PIGN: variants seen among roughly 807,000 people sequenced by gnomAD.
PIGN encodes phosphatidylinositol glycan anchor biosynthesis class N, also known as GPI ethanolamine phosphate transferase 1.
In PIGN, 117 loss-of-function variants were observed where a neutral mutation model predicts 125.4. That is an observed-to-expected ratio of 0.93 (90% CI 0.80 to 1.09). The LOEUF (loss-of-function observed/expected upper bound fraction) is 1.09, where lower values mean the gene tolerates loss of function less well. Among genes scored for constraint, PIGN ranks in the 50% least tolerant of loss-of-function variants. PIGN has a pLI of 0.00. For synonymous variants in PIGN, 392 were observed against 377.8 expected, an observed-to-expected ratio of 1.04 and a Z score of -0.44; for missense variants, 1,075 against 1,094.9, an observed-to-expected ratio of 0.98 and a Z score of 0.26.
intron 12 of PIGN, 107 bp from the exon 13 acceptor site, chr18:62,139,182 A>G (rs1402469989): frequency 5.6e-6 from 3 of 533,386 alleles, no homozygotes; most frequent in Non-Finnish European, 1.0e-5. Flanking sequence ...ATGGACAAAT[A>G]AATAATTGAA....
In PIGN at chr18:62,161,328, A is replaced by G. The variant is rs973223435; in HGVS notation, c.26T>C (p.Leu9Ser). MLLFFTLG[L>S]LIHFVFFASI... is the part of the protein sequence containing the mutation. ...GGCGAAGAACACAAAATGTATAAGCAATCCCAAAGTAAAGAACAGCAGCAT... is the reference window on the plus strand; with the variant it reads ...GGCGAAGAACACAAAATGTATAAGCGATCCCAAAGTAAAGAACAGCAGCAT... The change falls in exon 4 of 31, where the codon TTG becomes TCG. Residue 9 changes from leucine (L) to serine (S), a missense_variant. By Grantham distance (145) the Leu-to-Ser change is moderately radical. Around this residue, in one of 3 missense-constraint regions of PIGN, gnomAD observed 152 missense variants for 162.9 expected, o/e 0.93. Transcript: ENST00000640252. 2.5e-6 allele frequency: 4 copies of G among 1,612,808 alleles called. No individual in the cohort carries two copies. The highest frequency in any genetic ancestry group is 3.4e-6 in the Non-Finnish European group (4 of 1,179,270).
At chr18:62,113,365 C>A in intron 15 of PIGN, 49 bp from the exon 16 acceptor site, 5 of 1,423,936 alleles carry the variant, frequency 3.5e-6, no homozygotes, top group Non-Finnish European at 4.8e-6. Flanking sequence ...AATAAGAAAA[C>A]CTACATTTTA....
chr18:62,091,583 CA>C (rs1368892777), intron 23 of PIGN, among the ~76,000 whole-genome samples: 1 of 152,092 alleles, frequency 6.6e-6, no homozygotes, highest in Non-Finnish European at 1.5e-5. Context: ...AAGCAGGAAA[CA>C]GAAAACAACC....
At chr18:62,116,870 G>A (rs990602692) in intron 14 of PIGN, among the ~76,000 whole-genome samples, 1 of 152,062 alleles carries the variant, frequency 6.6e-6, no homozygotes, top group Admixed American at 6.6e-5. Context: ...AGGAAAAAAA[G>A]CTTGTCTGAA....
At position 62,148,199 on chromosome 18, in the gene PIGN, A is replaced by G. The variant is rs897854796; in HGVS notation, c.674+15T>C. On this transcript the variant is annotated intron_variant, in intron 8 of 30. Transcript: ENST00000640252. ...GTTGCCCTAAAAAATACAATTAAAC[A>G]CAATATTAAATTACCTCGAGGATGG... is the stretch of plus-strand genomic sequence containing the variant. The G allele has an allele frequency of 2.0e-5, 30 of 1,520,896 alleles. No homozygotes were observed. The highest frequency in any genetic ancestry group is 7.5e-5 in the East Asian group (3 of 40,178). The allele number at this position is 1,520,896 out of a possible 1,614,324, so 94.2% of individuals were successfully genotyped here. A position where few individuals can be genotyped will look rare whatever the true frequency, so the allele number is the denominator to read the frequency against.
chr18:62,154,290 A>T (rs2036640991), intron 7 of PIGN: 9 of 477,656 alleles, frequency 1.9e-5, no homozygotes, highest in Non-Finnish European at 3.2e-5. Flanking sequence ...AGGATGAATC[A>T]CAAACTAGAA....
chr18:62,062,116 T>A (rs896664327), intron 30 of PIGN, among the ~76,000 whole-genome samples: 1 of 152,180 alleles, frequency 6.6e-6, no homozygotes, highest in Non-Finnish European at 1.5e-5. Flanking sequence ...CATTGCAGCA[T>A]CAATCAGGGG....
intron 6 of PIGN, 64 bp from the exon 7 acceptor site, chr18:62,154,715 A>G (rs2147458267): frequency 2.5e-6 from 2 of 815,190 alleles, no homozygotes; most frequent in East Asian, 2.5e-5. Flanking sequence ...ATAAAATATG[A>G]GCTAGTCATT....
Position 62,112,540 on chromosome 18 carries a change from A to G in PIGN, c.1434+594T>C, listed in dbSNP as rs146068738. On this transcript the variant is annotated intron_variant, in intron 16 of 30. Coordinates refer to ENST00000640252, the MANE Select transcript of PIGN (RefSeq NM_176787.5). The stretch of plus-strand genomic sequence containing the variant: ...TATTGTCTCAGCAATATGAAGTATC[A>G]TTAAAGAGATTTTTTTAATTTTTAT... 6.6e-5 allele frequency: 10 copies of G among 152,278 alleles called. 1 individual carries two copies. In the East Asian group the frequency reaches 1.9e-3, roughly 29 times the overall value. 9.4% of individuals were successfully genotyped at this position (152,278 alleles called of 1,614,324 possible). A position where few individuals can be genotyped will look rare whatever the true frequency, so the allele number is the denominator to read the frequency against.
chr18:62,149,521 G>T lies in PIGN; in HGVS notation c.550-1183C>A, dbSNP rs536762351. On this transcript the variant is annotated intron_variant, in intron 7 of 30. Coordinates refer to ENST00000640252, the MANE Select transcript of PIGN (RefSeq NM_176787.5). ...TTCAGCTATGTAATCCTTTCTGGCAGCTAGATGTGCCTATCCTATCCTTTC... is the reference window on the plus strand; with the variant it reads ...TTCAGCTATGTAATCCTTTCTGGCATCTAGATGTGCCTATCCTATCCTTTC... Among the ~76,000 whole-genome samples, 62 of 152,272 alleles carry T rather than the reference G, an allele frequency of 4.1e-4. 1 individual carries two copies. In the Middle Eastern group the frequency reaches 0.014, roughly 33 times the overall value.
chr18:62,180,114 A>G (rs910348879), intron 1 of PIGN, among the ~76,000 whole-genome samples: 3 of 152,226 alleles, frequency 2.0e-5, no homozygotes, highest in Non-Finnish European at 2.9e-5. Flanking sequence ...ACTGTAGAGT[A>G]GTGACCCATA....
chr18:62,060,456 T>C (rs1344881536), intron 30 of PIGN, among the ~76,000 whole-genome samples: 1 of 152,228 alleles, frequency 6.6e-6, no homozygotes, highest in East Asian at 1.9e-4. Flanking sequence ...TTCAATGTAC[T>C]GGGGCAGAAA....
intron 30 of PIGN, chr18:62,051,934 T>C (rs2031334295): frequency 6.6e-6 from 1 of 152,186 alleles, no homozygotes; most frequent in Non-Finnish European, 1.5e-5. Flanking sequence ...AGAACATCTT[T>C]ATTTCTGCCT....
intron 1 of PIGN, among the ~76,000 whole-genome samples, chr18:62,178,502 G>A (rs1239184519): frequency 2.0e-5 from 3 of 151,588 alleles, no homozygotes; most frequent in African/African-American, 7.3e-5. Context: ...AAAACTGTAA[G>A]ACAGAGCTGG....
intron 23 of PIGN, among the ~76,000 whole-genome samples, chr18:62,021,450 C>T (rs905470149): frequency 6.6e-6 from 1 of 152,190 alleles, no homozygotes; most frequent in Admixed American, 6.5e-5. Flanking sequence ...TAGCAGTAGC[C>T]AGAGAAACAT....
chr18:62,101,680 A>G (rs900014573), intron 21 of PIGN, among the ~76,000 whole-genome samples: 5 of 152,138 alleles, frequency 3.3e-5, no homozygotes, highest in African/African-American at 9.7e-5. Flanking sequence ...CAAATGTTGT[A>G]TATTTTTATT....
chr18:62,110,622 A>G lies in PIGN; in HGVS notation c.1435-649T>C, dbSNP rs1241005384. Among the ~76,000 whole-genome samples the G allele has an allele frequency of 3.3e-5, 5 of 152,178 alleles. No homozygotes were observed. In the East Asian group the frequency reaches 9.7e-4, roughly 29 times the overall value. ...GTTGAAAACCTTTAAGAGCAAAACT[A>G]AGGGTTCCCTAAAGGAGAAATTCTA... On this transcript the variant is annotated intron_variant, in intron 16 of 30. Transcript: ENST00000640252.
chr18:62,124,134 C>A (rs1177830528), intron 14 of PIGN, among the ~76,000 whole-genome samples: 1 of 152,100 alleles, frequency 6.6e-6, no homozygotes, highest in East Asian at 1.9e-4. Flanking sequence ...ACAATAAAAA[C>A]TGACTATGTC....
At position 62,140,583 on chromosome 18, in the gene PIGN, T is replaced by C. The variant is rs527601908; in HGVS notation, c.964-104A>G. The C allele has an allele frequency of 3.0e-5, 18 of 594,410 alleles. No individual in the cohort carries two copies. The South Asian group carries it at 3.2e-4, about 11-fold the overall frequency. 36.8% of individuals were successfully genotyped at this position (594,410 alleles called of 1,614,324 possible). A position where few individuals can be genotyped will look rare whatever the true frequency, so the allele number is the denominator to read the frequency against. Reference sequence around the variant, plus strand: ...TGGAAAATAACCATGATATTTGTTATAATCAGTTACCTTCAAACATGTATT... The same window carrying C: ...TGGAAAATAACCATGATATTTGTTACAATCAGTTACCTTCAAACATGTATT... On this transcript the variant is annotated intron_variant, in intron 11 of 30. Coordinates refer to ENST00000640252, the MANE Select transcript of PIGN (RefSeq NM_176787.5).
Sources: allele counts gnomAD v4.1 joint callset (sites outside exome capture counted in the v4.1 genomes callset), GRCh38; gene constraint gnomAD v4.1.1; regional missense constraint gnomAD v4.1.1; transcripts MANE v1.5; gene names NCBI Gene and HGNC (gene_info 2026-07-23, HGNC 2026-07-21).